CCDC7: variants seen among roughly 807,000 people sequenced by gnomAD.
CCDC7 encodes coiled-coil domain-containing protein 7.
CCDC7 carries 183 observed loss-of-function variants against 196.9 expected under a neutral mutation model. That is an observed-to-expected ratio of 0.93 (90% CI 0.82 to 1.05). CCDC7 has a LOEUF of 1.05. CCDC7 is among the 50% of genes least tolerant of loss of function. The pLI, the probability that CCDC7 is intolerant of heterozygous loss-of-function variation, is 0.00. For synonymous variants in CCDC7, 525 were observed against 484.6 expected (o/e 1.08, Z -1.10); for missense variants, 1,540 against 1,482.2 (o/e 1.04, Z -0.64).
At chr10:32,474,106 C>A in intron 8 of CCDC7, 83 bp downstream of exon 9, 1 of 1,388,684 alleles carries the variant, frequency 7.2e-7, no homozygotes, top group Non-Finnish European at 9.7e-7. Flanking sequence ...ATTAGGTTAA[C>A]AGTGCAGACT....
At chr10:32,805,811 C>T (rs1336702357) in intron 30 of CCDC7, among the ~76,000 whole-genome samples, 5 of 152,168 alleles carry the variant, frequency 3.3e-5, no homozygotes, top group Admixed American at 2.0e-4. Flanking sequence ...TGTATTGAGC[C>T]ATTCTTGCAT....
exon 6 of CCDC7, chr10:32,471,079 A>G: frequency 6.2e-7 from 1 of 1,602,338 alleles, no homozygotes; most frequent in Non-Finnish European, 8.5e-7. Context: ...TAAAGATCAA[A>G]CTCTTTTACA....
chr10:32,449,079 T>TAAAC (rs2032256283), upstream of CCDC7, among the ~76,000 whole-genome samples: 1 of 152,162 alleles, frequency 6.6e-6, no homozygotes, highest in Non-Finnish European at 1.5e-5. Context: ...AAATTCCTCT[T>TAAAC]ATACCTGTTT....
intron 30 of CCDC7, among the ~76,000 whole-genome samples, chr10:32,809,285 G>A (rs1311823416): frequency 6.6e-6 from 1 of 152,082 alleles, no homozygotes; most frequent in African/African-American, 2.4e-5. Context: ...TGATATTAAA[G>A]AAGCTCAATG....
intron 18 of CCDC7, among the ~76,000 whole-genome samples, chr10:32,626,227 C>G (rs1591156): frequency 6.6e-6 from 1 of 152,040 alleles, no homozygotes; most frequent in Non-Finnish European, 1.5e-5. Flanking sequence ...CTGACCAACA[C>G]TTATCTTTGG....
chr10:32,626,549 A>G (rs2064076458), intron 18 of CCDC7, among the ~76,000 whole-genome samples: 1 of 152,004 alleles, frequency 6.6e-6, no homozygotes, highest in African/African-American at 2.4e-5. Flanking sequence ...TTTGCTGTGC[A>G]GAAACTTTTC....
At chr10:32,703,908 A>C (rs1015422790) in intron 24 of CCDC7, among the ~76,000 whole-genome samples, 2 of 151,776 alleles carry the variant, frequency 1.3e-5, no homozygotes, top group African/African-American at 4.8e-5. Flanking sequence ...TTCTAGTTAG[A>C]CATTCGTCTA....
intron 9 of CCDC7, among the ~76,000 whole-genome samples, chr10:32,517,666 C>T (rs1397489664): frequency 6.7e-6 from 1 of 149,014 alleles, no homozygotes; most frequent in East Asian, 2.0e-4. Flanking sequence ...ATACCTAATG[C>T]TAAATGACGA....
Position 32,474,016 on chromosome 10 carries a change from A to T in CCDC7, c.789A>T (p.Thr263=), listed in dbSNP as rs770244228. The stretch of plus-strand genomic sequence containing the variant: ...ATGAATTTAAAGATGTTTCTGCAAC[A>T]GAACCACGTAAGTTTCCACTCATTA... The change falls in exon 8 of 42, where the codon ACA becomes ACT. Residue 263 remains threonine (T), a synonymous_variant. Transcript: ENST00000639629. The T allele has an allele frequency of 2.5e-6, 4 of 1,611,546 alleles. No individual in the cohort carries two copies. In the South Asian group the frequency reaches 4.4e-5, roughly 18 times the overall value.
At chr10:32,878,017 A>G (rs945423778), downstream of CCDC7, among the ~76,000 whole-genome samples, 1 of 151,928 alleles carries the variant, frequency 6.6e-6, no homozygotes, top group Non-Finnish European at 1.5e-5. Context: ...GATTCAAGCT[A>G]TCTTGGCTTC....
intron 30 of CCDC7, among the ~76,000 whole-genome samples, chr10:32,813,621 AT>A (rs149070347): frequency 0.036 from 5,552 of 152,304 alleles, 106 homozygotes; most frequent in Non-Finnish European, 0.05. Context: ...ATGGAAAAAA[AT>A]GTTCCACCTC....
intron 28 of CCDC7, among the ~76,000 whole-genome samples, chr10:32,750,760 G>A (rs1180155640): frequency 6.6e-6 from 1 of 152,136 alleles, no homozygotes; most frequent in African/African-American, 2.4e-5. Flanking sequence ...AATAAGAGAT[G>A]TCTTCTCAGT....
chr10:32,772,597 A>C (rs2079341350), intron 28 of CCDC7, among the ~76,000 whole-genome samples: 1 of 152,212 alleles, frequency 6.6e-6, no homozygotes, highest in Non-Finnish European at 1.5e-5. Context: ...AGCTTCTTTC[A>C]ACCTGTGACC....
At chr10:32,509,207 G>A (rs1168504117) in intron 9 of CCDC7, among the ~76,000 whole-genome samples, 2 of 150,220 alleles carry the variant, frequency 1.3e-5, no homozygotes, top group Non-Finnish European at 2.9e-5. Flanking sequence ...CATAAAATCA[G>A]ACATATAGAC....
intron 18 of CCDC7, among the ~76,000 whole-genome samples, chr10:32,616,347 A>G (rs535911060): frequency 1.5e-4 from 23 of 151,910 alleles, no homozygotes; most frequent in African/African-American, 5.5e-4. Context: ...TTAGTGTGTT[A>G]TAGTTCTCCT....
At chr10:32,846,920 A>C (rs993800785) in intron 37 of CCDC7, among the ~76,000 whole-genome samples, 1 of 152,186 alleles carries the variant, frequency 6.6e-6, no homozygotes, top group African/African-American at 2.4e-5. Context: ...GCAATACAGT[A>C]CTTTATTTGT....
chr10:32,794,795 A>G (rs1013616933), intron 29 of CCDC7, among the ~76,000 whole-genome samples: 2 of 152,152 alleles, frequency 1.3e-5, no homozygotes, highest in Non-Finnish European at 2.9e-5. Flanking sequence ...TTGCTGATTT[A>G]TGTTCCTTAT....
chr10:32,713,659 C>T (rs1371765626), intron 25 of CCDC7, among the ~76,000 whole-genome samples: 1 of 152,216 alleles, frequency 6.6e-6, no homozygotes, highest in African/African-American at 2.4e-5. Flanking sequence ...CACCATGGCT[C>T]ACTATCTATT....
At chr10:32,861,132 AAAG>A (rs1208218828) in intron 41 of CCDC7, among the ~76,000 whole-genome samples, 1 of 123,160 alleles carries the variant, frequency 8.1e-6, no homozygotes, top group African/African-American at 2.9e-5. Flanking sequence ...AAAAAAAAAA[AAAG>A]AAAGCTGAAG....
Sources: gnomAD v4.1 joint callset for allele counts (sites outside exome capture counted in the v4.1 genomes callset) on GRCh38, gnomAD v4.1.1 for gene constraint, MANE v1.5 for transcripts, NCBI Gene and HGNC (gene_info 2026-07-23, HGNC 2026-07-21) for gene names.